The following AUTS2 variants were observed in gnomAD, a reference collection of about 807,000 sequenced individuals.
The protein encoded by AUTS2 is autism susceptibility gene 2 protein.
In AUTS2, 17 loss-of-function variants were observed where a neutral mutation model predicts 112.4. That is an observed-to-expected ratio of 0.15 (90% CI 0.10 to 0.23). The LOEUF (loss-of-function observed/expected upper bound fraction) is 0.23, where lower values mean the gene tolerates loss of function less well. AUTS2 is among the 10% of genes least tolerant of loss of function. AUTS2 has a pLI of 1.00. For synonymous variants in AUTS2, 751 were observed against 702.7 expected, an observed-to-expected ratio of 1.07 and a Z score of -1.09; for missense variants, 1,510 against 1,701.6, an observed-to-expected ratio of 0.89 and a Z score of 1.98.
chr7:69,975,397 C>A lies in AUTS2; in HGVS notation c.522+75899C>A, dbSNP rs1340834840. On this transcript the variant is annotated intron_variant, in intron 2 of 18. Coordinates refer to ENST00000342771, the MANE Select transcript of AUTS2 (RefSeq NM_015570.4). ...TTTGAATCTGTAGGTGTTGTTTTTG[C>A]CAAATTTGAGAATTTTCACCCATCA... is the stretch of plus-strand genomic sequence containing the variant. Among the ~76,000 whole-genome samples, 3 of 152,018 alleles carry A rather than the reference C, an allele frequency of 2.0e-5. No individual in the cohort carries two copies. In the East Asian group the frequency reaches 5.8e-4, roughly 30 times the overall value.
chr7:70,491,577 A>T (rs978487365), intron 5 of AUTS2, among the ~76,000 whole-genome samples: 1 of 139,750 alleles, frequency 7.2e-6, no homozygotes, highest in African/African-American at 2.7e-5. Flanking sequence ...GTGTATATAT[A>T]ATGTATATAT....
intron 1 of AUTS2, among the ~76,000 whole-genome samples, chr7:69,795,514 C>G (rs188705773): frequency 1.3e-5 from 2 of 152,174 alleles, no homozygotes; most frequent in East Asian, 1.9e-4. Context: ...ACCCCTGTTT[C>G]TGCCAAAAAA....
chr7:70,260,775 A>G (rs1362562117), intron 4 of AUTS2, among the ~76,000 whole-genome samples: 1 of 151,408 alleles, frequency 6.6e-6, no homozygotes, highest in Non-Finnish European at 1.5e-5. Flanking sequence ...TTTAAGACAG[A>G]GTCTCACTCT....
intron 4 of AUTS2, among the ~76,000 whole-genome samples, chr7:70,425,980 C>T (rs990166002): frequency 2.6e-5 from 4 of 152,098 alleles, no homozygotes; most frequent in African/African-American, 7.2e-5. Context: ...ACGTTCTTAG[C>T]AACACTATGA....
chr7:70,150,527 A>C (rs1305744711), intron 4 of AUTS2, among the ~76,000 whole-genome samples: 1 of 152,196 alleles, frequency 6.6e-6, no homozygotes, highest in Non-Finnish European at 1.5e-5. Context: ...CACATAGACC[A>C]TCAGAAAATA....
chr7:70,408,680 T>G (rs540454268), intron 4 of AUTS2, among the ~76,000 whole-genome samples: 5 of 152,292 alleles, frequency 3.3e-5, no homozygotes, highest in South Asian at 2.1e-4. Flanking sequence ...AGGGAGCTGC[T>G]TGCTACAAAT....
At position 69,615,371 on chromosome 7, in the gene AUTS2, T is replaced by G. The variant is rs866680659; in HGVS notation, c.309+15409T>G. ...AGGCTGGAGTGCAGTGGCATGATCTTGGCCTACTGCAACCTCTGCCTTCTG... is the reference window on the plus strand; with the variant it reads ...AGGCTGGAGTGCAGTGGCATGATCTGGGCCTACTGCAACCTCTGCCTTCTG... On this transcript the variant is annotated intron_variant, in intron 1 of 18. Transcript: ENST00000342771. Among the ~76,000 whole-genome samples, 4 of 152,268 alleles carry G rather than the reference T, an allele frequency of 2.6e-5. 1 individual carries two copies. Among genetic ancestry groups the G allele is most frequent in the Middle Eastern group, 3.4e-3 (1 of 294 alleles).
chr7:69,668,778 G>C (rs1796184695), intron 1 of AUTS2, among the ~76,000 whole-genome samples: 1 of 152,148 alleles, frequency 6.6e-6, no homozygotes, highest in Admixed American at 6.5e-5. Context: ...TTGGATACAA[G>C]TACATTCCTG....
At chr7:69,634,125 A>T (rs2533443) in intron 1 of AUTS2, among the ~76,000 whole-genome samples, 101,856 of 149,308 alleles carry the variant, frequency 0.68, 34,672 homozygotes, top group East Asian at 0.77. Context: ...CTTGATTATT[A>T]TTTTTTTTTT....
At chr7:70,543,496 T>A (rs1800639686) in intron 5 of AUTS2, among the ~76,000 whole-genome samples, 1 of 150,986 alleles carries the variant, frequency 6.6e-6, no homozygotes, top group African/African-American at 2.4e-5. Context: ...ACCACTGCAC[T>A]TGAGCCTAGG....
chr7:70,157,642 T>A (rs1474808294), intron 4 of AUTS2, among the ~76,000 whole-genome samples: 1 of 152,124 alleles, frequency 6.6e-6, no homozygotes, highest in Non-Finnish European at 1.5e-5. Context: ...CTCTTCACCC[T>A]TGTTTAGATC....
rs1468784014 is a variant in AUTS2 at position 70,543,579 on chromosome 7, A to G, written c.690+107798A>G. On this transcript the variant is annotated intron_variant, in intron 5 of 18. Coordinates refer to ENST00000342771, the MANE Select transcript of AUTS2 (RefSeq NM_015570.4). The stretch of plus-strand genomic sequence containing the variant: ...AAATGCCAAGCTAGCAGAGAGAGGG[A>G]CTCAGACACACACACCTAAGTTGTT... Among the ~76,000 whole-genome samples the G allele has an allele frequency of 9.3e-5, 14 of 150,880 alleles. No homozygotes were observed. The East Asian group carries it at 1.8e-3, about 19-fold the overall frequency.
At chr7:69,773,358 C>T (rs1043881195) in intron 1 of AUTS2, among the ~76,000 whole-genome samples, 2 of 151,062 alleles carry the variant, frequency 1.3e-5, no homozygotes, top group African/African-American at 4.9e-5. Context: ...ATACATGTAT[C>T]TGCAAAGCTC....
At chr7:70,234,343 T>A (rs1812209886) in intron 4 of AUTS2, among the ~76,000 whole-genome samples, 1 of 152,234 alleles carries the variant, frequency 6.6e-6, no homozygotes, top group Admixed American at 6.5e-5. Flanking sequence ...TTCACGTTTC[T>A]CTTCACTTCC....
intron 4 of AUTS2, among the ~76,000 whole-genome samples, chr7:70,350,393 A>G (rs1008628315): frequency 2.0e-5 from 3 of 152,194 alleles, no homozygotes; most frequent in African/African-American, 7.2e-5. Flanking sequence ...TGGGTAATTT[A>G]TAAAGAAAAA....
intron 5 of AUTS2, among the ~76,000 whole-genome samples, chr7:70,574,438 C>T (rs1014224162): frequency 2.0e-5 from 3 of 152,102 alleles, no homozygotes; most frequent in African/African-American, 7.2e-5. Flanking sequence ...TGCAAACTTC[C>T]ACATAGCTTC....
At chr7:69,743,907 C>T (rs570145473) in intron 1 of AUTS2, among the ~76,000 whole-genome samples, 28 of 152,100 alleles carry the variant, frequency 1.8e-4, no homozygotes, top group Admixed American at 3.3e-4. Flanking sequence ...AGCAACTTCT[C>T]CCATCTCAGC....
At chr7:70,069,479 CTT>C in intron 2 of AUTS2, among the ~76,000 whole-genome samples, 1 of 152,146 alleles carries the variant, frequency 6.6e-6, no homozygotes, top group South Asian at 2.1e-4. Flanking sequence ...ATTGCTGGGA[CTT>C]TCATGTTTCT....
chr7:70,518,189 G>A lies in AUTS2; in HGVS notation c.690+82408G>A, dbSNP rs542602849. Among the ~76,000 whole-genome samples the A allele has an allele frequency of 3.9e-5, 6 of 152,308 alleles. No homozygotes were observed. The South Asian group carries it at 1.2e-3, about 32-fold the overall frequency. On this transcript the variant is annotated intron_variant, in intron 5 of 18. Transcript: ENST00000342771. ...TATGCTGAAAGCTAGGTCTCCAAAT[G>A]TACTTCTAAAATTATTTTTTACAAT...
Sources: gnomAD v4.1 joint callset for allele counts (sites outside exome capture counted in the v4.1 genomes callset) on GRCh38, gnomAD v4.1.1 for gene constraint, MANE v1.5 for transcripts, NCBI Gene and HGNC (gene_info 2026-07-23, HGNC 2026-07-21) for gene names.